Variants in WDR11 observed in about 807,000 individuals in gnomAD.
The protein encoded by WDR11 is WD repeat domain 11, also known as WD repeat-containing protein 11.
A neutral mutation model predicts 151.2 loss-of-function variants in WDR11; 83 were observed. The observed-to-expected ratio is 0.55, with a 90% confidence interval of 0.46 to 0.66. The LOEUF is 0.66. Ranked by LOEUF, WDR11 falls within the 30% of genes least tolerant of loss-of-function variation. The pLI, the probability that WDR11 is intolerant of heterozygous loss-of-function variation, is 0.00. For missense variants in WDR11, 1,301 were observed against 1,480.9 expected (o/e 0.88, Z 1.99); for synonymous variants, 484 against 533.1 (o/e 0.91, Z 1.27).
At position 120,903,068 on chromosome 10, in the gene WDR11, G is replaced by A. The variant is rs1208010153; in HGVS notation, c.2767G>A (p.Glu923Lys). 1 of 1,614,062 alleles carries A rather than the reference G, an allele frequency of 6.2e-7. No individual in the cohort carries two copies. Among genetic ancestry groups the A allele is most frequent in the Admixed American group, 1.7e-5 (1 of 60,030 alleles). Residue 923 changes from glutamate (E) to lysine (K), a missense_variant, in exon 23 of 29, where the codon GAA becomes AAA. Physicochemically the swap from Glu to Lys is moderately conservative, Grantham distance 56 (BLOSUM62 1). Around this residue, in one of 3 missense-constraint regions of WDR11, gnomAD observed 589 missense variants for 670.6 expected, o/e 0.88. Coordinates refer to ENST00000263461, the MANE Select transcript of WDR11 (RefSeq NM_018117.12). ...CLLVSRLYGD[E>K]SELHFWTVAA... ...CATCCTTGCCAGGCTCTATGGTGAT[G>A]AATCGGAGCTGCACTTCTGGACTGT...
chr10:120,883,884 C>T lies in WDR11; in HGVS notation c.1844C>T (p.Ala615Val). The T allele has an allele frequency of 6.2e-7, 1 of 1,609,290 alleles. No homozygotes were observed. The highest frequency in any genetic ancestry group is 8.5e-7 in the Non-Finnish European group (1 of 1,175,986). ...EMSKNFPTIT[A>V]LEWSPSHNLK... ...TCCAAAAACTTCCCTACAATAACTG[C>T]TTTGGTAAGTTACAATTTAAGAATT... The change falls in exon 14 of 29, where the codon GCT (alanine) becomes GTT (valine). Residue 615 changes from alanine to valine, a missense_variant. Physicochemically the swap from Ala to Val is moderately conservative, Grantham distance 64. This residue lies in a region of WDR11 where 692 missense variants were observed against 762.5 expected (regional missense o/e 0.91). Coordinates refer to ENST00000263461, the MANE Select transcript of WDR11 (RefSeq NM_018117.12).
chr10:120,896,841 G>C (rs1847632150), intron 19 of WDR11, among the ~76,000 whole-genome samples: 1 of 152,164 alleles, frequency 6.6e-6, no homozygotes, highest in Non-Finnish European at 1.5e-5. Context: ...ATGACTTCTT[G>C]AACATGTATG....
chr10:120,904,609 A>G lies in WDR11; in HGVS notation c.3028-37A>G, dbSNP rs772737785. On this transcript the variant is annotated intron_variant, in intron 24 of 28. Coordinates refer to ENST00000263461, the MANE Select transcript of WDR11 (RefSeq NM_018117.12). ...TTTTAAAAAGTTATGTTGGAGGAAA[A>G]TGTTCTCATAATTAGAAAAACCGTT... 1.4e-5 allele frequency: 22 copies of G among 1,613,178 alleles called. No individual in the cohort carries two copies. In the South Asian group the frequency reaches 2.4e-4, roughly 18 times the overall value.
chr10:120,896,772 G>A (rs1564719207), intron 19 of WDR11, among the ~76,000 whole-genome samples: 3 of 152,144 alleles, frequency 2.0e-5, no homozygotes, highest in Non-Finnish European at 4.4e-5. Flanking sequence ...AGATATGGAT[G>A]GGAAATGGCG....
At chr10:120,866,436 G>A (rs1846314763) in intron 7 of WDR11, 133 bp from the exon 8 acceptor site, 1 of 965,670 alleles carries the variant, frequency 1.0e-6, no homozygotes, top group African/African-American at 1.6e-5. Context: ...ATTGTAAAAA[G>A]TGAAGCCATG....
intron 10 of WDR11, among the ~76,000 whole-genome samples, chr10:120,872,737 T>C (rs1846590960): frequency 1.3e-5 from 2 of 152,180 alleles, no homozygotes; most frequent in South Asian, 4.1e-4. Context: ...GTTCTGTTAA[T>C]TGAAAAATTT....
chr10:120,870,187 A>G (rs577592026), intron 9 of WDR11, among the ~76,000 whole-genome samples: 11 of 152,214 alleles, frequency 7.2e-5, no homozygotes, highest in Non-Finnish European at 1.3e-4. Context: ...TATTTTTTCT[A>G]TATATTTTGT....
intron 18 of WDR11, 67 bp from the exon 19 acceptor site, chr10:120,890,649 A>G (rs1847401789): frequency 1.3e-6 from 2 of 1,597,170 alleles, no homozygotes; most frequent in South Asian, 1.1e-5. Context: ...TTCCTTGACC[A>G]TTTAATCTAG....
intron 23 of WDR11, among the ~76,000 whole-genome samples, chr10:120,903,598 C>T (rs764084301): frequency 3.3e-5 from 5 of 151,446 alleles, no homozygotes; most frequent in Non-Finnish European, 7.4e-5. Context: ...AGCTCATAGA[C>T]AGTTACTGCG....
chr10:120,899,773 G>A (rs1054160803), intron 19 of WDR11: 5 of 475,632 alleles, frequency 1.1e-5, no homozygotes, highest in African/African-American at 9.8e-5. Context: ...ACAGAGCGAG[G>A]CTTTGTCTCA....
chr10:120,889,612 G>T (rs1483816746), intron 17 of WDR11: 19 of 469,500 alleles, frequency 4.0e-5, no homozygotes, highest in Non-Finnish European at 3.9e-6. Context: ...ACTCGTGGAG[G>T]TGTAGCTTGG....
chr10:120,865,448 G>A (rs1185071734), intron 6 of WDR11, among the ~76,000 whole-genome samples, 182 bp from the exon 7 acceptor site: 1 of 152,002 alleles, frequency 6.6e-6, no homozygotes, highest in Non-Finnish European at 1.5e-5. Context: ...AGTCACATGG[G>A]TAAAGACAAA....
chr10:120,864,020 T>C (rs1846226693), intron 5 of WDR11, among the ~76,000 whole-genome samples: 1 of 152,194 alleles, frequency 6.6e-6, no homozygotes. Flanking sequence ...TTCTTAAGTT[T>C]TCTCTCATAT....
intron 19 of WDR11, among the ~76,000 whole-genome samples, chr10:120,893,196 G>A (rs1314881859): frequency 7.1e-6 from 1 of 140,512 alleles, no homozygotes; most frequent in African/African-American, 2.7e-5. Context: ...CCAGGTGTGT[G>A]ATGTTCCCCT....
In WDR11 at chr10:120,859,791, A is replaced by T. The variant is rs545517424; in HGVS notation, c.353-318A>T. ...AAAGTCTGACATCTTGGTTGTGGCT[A>T]AGAGAGTTTCATATTGATTTTATAG... On this transcript the variant is annotated intron_variant, in intron 3 of 28. Coordinates refer to ENST00000263461, the MANE Select transcript of WDR11 (RefSeq NM_018117.12). Among the ~76,000 whole-genome samples, 7 of 152,308 alleles carry T rather than the reference A, an allele frequency of 4.6e-5. No individual in the cohort carries two copies. The East Asian group carries it at 1.2e-3, about 25-fold the overall frequency.
intron 19 of WDR11, among the ~76,000 whole-genome samples, chr10:120,891,117 C>CT (rs10668494): frequency 2.6e-5 from 4 of 151,884 alleles, no homozygotes; most frequent in African/African-American, 7.3e-5. Context: ...TTAAGTGCCC[C>CT]TTTTGACTCT....
At chr10:120,900,243 T>C in intron 20 of WDR11, 106 bp downstream of exon 20, 1 of 1,003,104 alleles carries the variant, frequency 1.0e-6, no homozygotes, top group East Asian at 2.4e-5. Flanking sequence ...GAATGGAGCC[T>C]TTAAAGCCGA....
chr10:120,906,127 G>A, intron 27 of WDR11, 106 bp downstream of exon 27: 4 of 1,596,232 alleles, frequency 2.5e-6, no homozygotes, highest in South Asian at 1.1e-5. Context: ...AAAGTGAAAG[G>A]AGAAGTATAC....
chr10:120,861,221 A>T (rs570726544), intron 4 of WDR11, among the ~76,000 whole-genome samples: 2 of 152,272 alleles, frequency 1.3e-5, no homozygotes, highest in African/African-American at 2.4e-5. Flanking sequence ...ATCAACTTTT[A>T]TTGAGGGGTG....
Sources: allele counts gnomAD v4.1 joint callset (sites outside exome capture counted in the v4.1 genomes callset), GRCh38; gene constraint gnomAD v4.1.1; regional missense constraint gnomAD v4.1.1; transcripts MANE v1.5; gene names NCBI Gene and HGNC (gene_info 2026-07-23, HGNC 2026-07-21).